Variants in DHX38 observed in about 807,000 individuals in gnomAD.
The protein encoded by DHX38 is pre-mRNA-splicing factor ATP-dependent RNA helicase PRP16.
A neutral mutation model predicts 153.1 loss-of-function variants in DHX38; 100 were observed. The observed-to-expected ratio is 0.65, with a 90% CI of 0.56 to 0.77. DHX38 has a LOEUF of 0.77. Ranked by LOEUF, DHX38 falls within the 30% of genes least tolerant of loss-of-function variation. DHX38 has a pLI of 0.00. For synonymous variants in DHX38, 650 were observed against 631.7 expected (o/e 1.03, Z -0.43); for missense variants, 1,440 against 1,654.0 (o/e 0.87, Z 2.24).
At chr16:72,103,561 C>T (rs371633030) in intron 12 of DHX38, 41 bp from the exon 13 acceptor site, 52 of 1,581,300 alleles carry the variant, frequency 3.3e-5, no homozygotes, top group Non-Finnish European at 4.3e-5. Context: ...TGTTGGCCTT[C>T]CACTTCGGCT....
Position 72,112,895 on chromosome 16 carries a change from ATTAT to A in DHX38, c.*401_*404del, listed in dbSNP as rs1388045113. The A allele has an allele frequency of 1.4e-6, 1 of 694,860 alleles. No individual in the cohort carries two copies. The highest frequency in any genetic ancestry group is 2.0e-5 in the Admixed American group (1 of 49,020). 43.0% of individuals were successfully genotyped at this position (694,860 alleles called of 1,614,324 possible). A position where few individuals can be genotyped will look rare whatever the true frequency, so the allele number is the denominator to read the frequency against. On this transcript the variant is annotated 3_prime_UTR_variant, in exon 27 of 27. Transcript: ENST00000268482. ...TAATTCAGGATTTGGAAATAAATTT[ATTAT>A]TTGTAAAACATGACTGCATGTCTGA...
rs747886409 is a variant in DHX38, at chr16:72,100,524, C to T, written c.1205C>T (p.Ala402Val). The T allele has an allele frequency of 3.1e-6, 5 of 1,614,142 alleles. No homozygotes were observed. The highest frequency in any genetic ancestry group is 1.7e-5 in the Admixed American group (1 of 60,028). ...GATGAGGACTTTGAAGAGGACAACG[C>T]GGCCAAGGTGCATCTGATGGTGCAC... ...EVDEDFEEDN[A>V]AKVHLMVHNL... Residue 402 changes from alanine to valine, a missense_variant, in exon 9 of 27, where the codon GCG becomes GTG. Physicochemically the swap from Ala to Val is moderately conservative, Grantham distance 64. Around this residue, in one of 6 missense-constraint regions of DHX38, gnomAD observed 77 missense variants for 125.4 expected, o/e 0.61. Transcript: ENST00000268482.
rs2042137285 is a variant in DHX38, at chr16:72,104,024, C to T, written c.1903C>T (p.Arg635Ter). Residue 635 changes from arginine (R) to a stop codon, truncating the protein, a stop_gained, in exon 14 of 27, where the codon CGA (arginine) becomes TGA (stop). Coordinates refer to ENST00000268482, the MANE Select transcript of DHX38 (RefSeq NM_014003.4). LOFTEE classifies it high-confidence loss of function. This position sits in a 1 kb window ranked among gnomAD's most constrained non-coding sequence, Gnocchi z 4.5. Reference protein sequence around the residue: ...IKYMTDGILLRESLREADLDH... With the variant: ...IKYMTDGILL The stretch of plus-strand genomic sequence containing the variant: ...ATACATGACTGACGGGATCCTGCTC[C>T]GAGAGTCCCTCCGGGAAGCCGACCT... The T allele has an allele frequency of 4.3e-6, 7 of 1,614,174 alleles. No individual in the cohort carries two copies. The highest frequency in any genetic ancestry group is 3.3e-4 in the Middle Eastern group (2 of 6,062).
In DHX38 at chr16:72,099,950, G is replaced by C. The variant is rs1003556855; in HGVS notation, c.1116+63G>C. ...TGGAGGTAGAGCACGTGGGGAAGCA[G>C]CAGGTTATCCCCAAGTGAGGGCAGC... On this transcript the variant is annotated intron_variant, in intron 8 of 26. Coordinates refer to ENST00000268482, the MANE Select transcript of DHX38 (RefSeq NM_014003.4). 1.0e-5 allele frequency: 16 copies of C among 1,540,304 alleles called. No individual in the cohort carries two copies. In the African/African-American group the frequency reaches 2.2e-4, roughly 21 times the overall value.
Position 72,096,430 on chromosome 16 carries a change from T to C in DHX38, c.273T>C (p.Asp91=). The C allele has an allele frequency of 6.2e-7, 1 of 1,613,890 alleles. No homozygotes were observed. Among genetic ancestry groups the C allele is most frequent in the Non-Finnish European group, 8.5e-7 (1 of 1,179,938 alleles). ...AAGAGAGCAAGGATGACCAGAAGGATGCTGAGGAAGAGGGCGGTGACCAGG... is the reference window on the plus strand; with the variant it reads ...AAGAGAGCAAGGATGACCAGAAGGACGCTGAGGAAGAGGGCGGTGACCAGG... ...DWEESKDDQK[D]AEEEGGDQAG... is the part of the protein sequence containing the mutation. Residue 91 remains aspartate, a synonymous_variant, in exon 2 of 27, where the codon GAT becomes GAC. Coordinates refer to ENST00000268482, the MANE Select transcript of DHX38 (RefSeq NM_014003.4).
chr16:72,098,094 ATAAAG>A (rs1461713725), intron 4 of DHX38, among the ~76,000 whole-genome samples: 2 of 152,236 alleles, frequency 1.3e-5, no homozygotes, highest in Non-Finnish European at 2.9e-5. Context: ...GTTTGTAGAG[ATAAAG>A]TAAATATCCC....
chr16:72,107,987 G>A lies in DHX38; in HGVS notation c.2964+188G>A, dbSNP rs760949808. Among the ~76,000 whole-genome samples, 1 of 152,212 alleles carries A rather than the reference G, an allele frequency of 6.6e-6. No homozygotes were observed. Among genetic ancestry groups the A allele is most frequent in the Non-Finnish European group, 1.5e-5 (1 of 68,034 alleles). ...AAGGGCTGGGCCAGTGGTTCTCAGG[G>A]AATGCTTTGGAAATTTGCAAGAGCA... On this transcript the variant is annotated intron_variant, in intron 21 of 26. Coordinates refer to ENST00000268482, the MANE Select transcript of DHX38 (RefSeq NM_014003.4). The surrounding 1 kb of genome is among the most constrained non-coding windows in gnomAD (Gnocchi z 5.3).
At position 72,107,648 on chromosome 16, in the gene DHX38, G is replaced by C. The variant is rs2042197328; in HGVS notation, c.2813G>C (p.Gly938Ala). 6.2e-7 allele frequency: 1 copy of C among 1,614,006 alleles called. No homozygotes were observed. Among genetic ancestry groups the C allele is most frequent in the South Asian group, 1.1e-5 (1 of 91,084 alleles). ...WILGALDNTG[G>A]LTSTGRLMVE... The stretch of plus-strand genomic sequence containing the variant: ...CGGGTTTGCTCATCTCTCCTAGGTG[G>C]TCTGACCTCTACCGGGCGGCTGATG... Residue 938 changes from glycine to alanine, a missense_variant, in exon 21 of 27, where the codon GGT becomes GCT. Gly to Ala is a moderately conservative substitution (Grantham distance 60). Transcript: ENST00000268482. This position sits in a 1 kb window ranked among gnomAD's most constrained non-coding sequence, Gnocchi z 5.3.
chr16:72,112,602 C>A lies in DHX38; in HGVS notation c.*105C>A. On this transcript the variant is annotated 3_prime_UTR_variant, in exon 27 of 27. Transcript: ENST00000268482. ...AGCCCTTTCATCTGAGGACTTTCAT[C>A]TGTGCATATCACGGCCCCCCAGGGC... 8.1e-7 allele frequency: 1 copy of A among 1,235,954 alleles called. No homozygotes were observed. The highest frequency in any genetic ancestry group is 1.2e-5 in the South Asian group (1 of 81,034). The allele number at this position is 1,235,954 out of a possible 1,614,324, so 76.6% of individuals were successfully genotyped here.
At chr16:72,112,243 T>G (rs994994347) in intron 26 of DHX38, 170 bp from the exon 27 acceptor site, 15 of 631,072 alleles carry the variant, frequency 2.4e-5, no homozygotes, top group Non-Finnish European at 4.2e-5. Flanking sequence ...ACATCGCCAG[T>G]CGAACATGGG....
chr16:72,098,793 G>C lies in DHX38; in HGVS notation c.764+1G>C. On this transcript the variant is annotated splice_donor_variant, in intron 5 of 26. Transcript: ENST00000268482. LOFTEE classifies it high-confidence loss of function. ...GGCTGTCCACTCGAGATCGAGACAG[G>C]TGATGTTCTGGGCAGAGCAGCCCAG... 1 of 1,614,122 alleles carries C rather than the reference G, an allele frequency of 6.2e-7. No individual in the cohort carries two copies. Among genetic ancestry groups the C allele is most frequent in the Non-Finnish European group, 8.5e-7 (1 of 1,179,966 alleles).
Position 72,099,855 on chromosome 16 carries a change from C to G in DHX38, c.1084C>G (p.Arg362Gly). The G allele has an allele frequency of 6.2e-7, 1 of 1,611,736 alleles. No individual in the cohort carries two copies. Among genetic ancestry groups the G allele is most frequent in the Non-Finnish European group, 8.5e-7 (1 of 1,178,858 alleles). ...EQHLHKQKQK[R>G]ISAQRRQINE... Reference sequence around the variant, plus strand: ...GCACCTGCATAAACAGAAGCAGAAGCGCATTTCAGCTCAGCGGAGACAGAT... The same window carrying G: ...GCACCTGCATAAACAGAAGCAGAAGGGCATTTCAGCTCAGCGGAGACAGAT... The change falls in exon 8 of 27, where the codon CGC becomes GGC. Residue 362 changes from arginine to glycine, a missense_variant. Physicochemically the swap from Arg to Gly is moderately radical, Grantham distance 125. Transcript: ENST00000268482.
At chr16:72,094,359 G>T (rs1016672567) in intron 1 of DHX38, 1 of 152,262 alleles carries the variant, frequency 6.6e-6, no homozygotes, top group Non-Finnish European at 1.5e-5. Flanking sequence ...CACCGAGCCC[G>T]AGTAGGACTC....
intron 26 of DHX38, 115 bp from the exon 27 acceptor site, chr16:72,112,298 C>T (rs2144185730): frequency 3.0e-6 from 3 of 1,014,572 alleles, no homozygotes; most frequent in South Asian, 1.4e-5. Flanking sequence ...ATCCCTCGGC[C>T]CAGAGCTCCC....
intron 5 of DHX38, 60 bp downstream of exon 5, chr16:72,098,852 G>A (rs758970854): frequency 1.9e-6 from 3 of 1,613,572 alleles, no homozygotes; most frequent in South Asian, 2.2e-5. Flanking sequence ...GCCTCGGCAG[G>A]GAGAGCAGAT....
Position 72,111,066 on chromosome 16 carries a change from G to T in DHX38, c.3588G>T (p.Leu1196=). 6.4e-7 allele frequency: 1 copy of T among 1,565,838 alleles called. No individual in the cohort carries two copies. Among genetic ancestry groups the T allele is most frequent in the East Asian group, 2.4e-5 (1 of 42,130 alleles). Residue 1196 remains leucine, a synonymous_variant, in exon 26 of 27, where the codon CTG becomes CTT. Coordinates refer to ENST00000268482, the MANE Select transcript of DHX38 (RefSeq NM_014003.4). ...RRQEQEKRSP[L]GSVRSTKIYT... The stretch of plus-strand genomic sequence containing the variant: ...AGGAGCAGGAGAAGCGCAGCCCCCT[G>T]GGCAGTGTCAGGTGAGCTCCGGCCT...
chr16:72,108,926 G>A lies in DHX38; in HGVS notation c.3381+1G>A. Reference sequence around the variant, plus strand: ...TCACGAGTTGGTCATGACCACCAAGGTGAGTCTTTTCCAAGGCACTTGCAT... The same window carrying A: ...TCACGAGTTGGTCATGACCACCAAGATGAGTCTTTTCCAAGGCACTTGCAT... On this transcript the variant is annotated splice_donor_variant, in intron 24 of 26. Transcript: ENST00000268482. LOFTEE classifies it high-confidence loss of function. 1 of 1,598,170 alleles carries A rather than the reference G, an allele frequency of 6.3e-7. No individual in the cohort carries two copies. The highest frequency in any genetic ancestry group is 8.5e-7 in the Non-Finnish European group (1 of 1,172,196).
chr16:72,112,697 G>T lies in DHX38; in HGVS notation c.*200G>T. 1.4e-6 allele frequency: 1 copy of T among 717,232 alleles called. No homozygotes were observed. 44.4% of individuals were successfully genotyped at this position (717,232 alleles called of 1,614,324 possible). On this transcript the variant is annotated 3_prime_UTR_variant, in exon 27 of 27. Transcript: ENST00000268482. ...TCCATGCAGGAGCACGGCATGGCGG[G>T]AGCGGGGCTGCAGAGTATCCGAGGT... is the stretch of plus-strand genomic sequence containing the variant.
In DHX38 at chr16:72,104,357, T is replaced by C; in HGVS notation, c.2011-129T>C. 7.5e-7 allele frequency: 1 copy of C among 1,335,680 alleles called. No individual in the cohort carries two copies. The highest frequency in any genetic ancestry group is 1.0e-6 in the Non-Finnish European group (1 of 991,602). 82.7% of individuals were successfully genotyped at this position (1,335,680 alleles called of 1,614,324 possible). ...GGCTCCATTGCTTCAGTCTTCATGATTGGTAAGAATTGAATAGGCCCATTT... is the reference window on the plus strand; with the variant it reads ...GGCTCCATTGCTTCAGTCTTCATGACTGGTAAGAATTGAATAGGCCCATTT... On this transcript the variant is annotated intron_variant, in intron 14 of 26. Transcript: ENST00000268482. The surrounding 1 kb of genome is among the most constrained non-coding windows in gnomAD (Gnocchi z 4.5).
Sources: gnomAD v4.1 joint callset for allele counts (sites outside exome capture counted in the v4.1 genomes callset) on GRCh38, gnomAD v4.1.1 for gene constraint, gnomAD v4.1.1 regional missense constraint, Gnocchi (gnomAD v3.1) non-coding constraint, MANE v1.5 for transcripts, NCBI Gene and HGNC (gene_info 2026-07-23, HGNC 2026-07-21) for gene names.